The following NNT variants were observed in gnomAD, a reference collection of about 807,000 sequenced individuals.
NNT encodes NAD(P) transhydrogenase, mitochondrial.
NNT carries 50 observed loss-of-function variants against 104.8 expected under a neutral mutation model. The ratio of observed to expected loss-of-function variants is 0.48; its 90% confidence interval spans 0.38 to 0.60. The LOEUF is 0.60. NNT is among the 20% of genes least tolerant of loss of function. NNT has a pLI of 0.00. For synonymous variants in NNT, 461 were observed against 490.4 expected (o/e 0.94, Z 0.79); for missense variants, 1,131 against 1,330.7 (o/e 0.85, Z 2.33).
intron 7 of NNT, among the ~76,000 whole-genome samples, chr5:43,633,451 T>C (rs1430025406): frequency 6.6e-6 from 1 of 152,222 alleles, no homozygotes; most frequent in Admixed American, 6.5e-5. Flanking sequence ...ATCCTTGCCC[T>C]TCCCTGCTTT....
chr5:43,690,602 G>T (rs971431398), intron 19 of NNT, among the ~76,000 whole-genome samples: 1 of 152,200 alleles, frequency 6.6e-6, no homozygotes, highest in Non-Finnish European at 1.5e-5. Context: ...GCAACATCAT[G>T]TAGTTATTCT....
At chr5:43,628,509 T>C (rs1276388373) in intron 7 of NNT, 122 bp downstream of exon 7, 6 of 648,840 alleles carry the variant, frequency 9.2e-6, no homozygotes, top group South Asian at 3.4e-5. Context: ...TACTTTCTAT[T>C]ATAAAAGTAC....
intron 18 of NNT, among the ~76,000 whole-genome samples, chr5:43,676,100 A>T (rs1184018562): frequency 6.6e-6 from 1 of 152,252 alleles, no homozygotes; most frequent in Non-Finnish European, 1.5e-5. Flanking sequence ...TGTGGTTTTC[A>T]ACAAAATGAG....
Position 43,647,560 on chromosome 5 carries a change from T to A in NNT, c.1445-1587T>A, listed in dbSNP as rs113349354. On this transcript the variant is annotated intron_variant, in intron 10 of 21. Transcript: ENST00000344920. Reference sequence around the variant, plus strand: ...TTTTCTTTTATATGTATCAGGAATGTATTTGAACAGCATTCTTCAAAGAAT... The same window carrying A: ...TTTTCTTTTATATGTATCAGGAATGAATTTGAACAGCATTCTTCAAAGAAT... Among the ~76,000 whole-genome samples the A allele has an allele frequency of 1.3e-3, 196 of 152,314 alleles. 1 individual carries two copies. The highest frequency in any genetic ancestry group is 4.4e-3 in the African/African-American group (182 of 41,572).
intron 5 of NNT, among the ~76,000 whole-genome samples, chr5:43,620,243 G>A (rs191210889): frequency 1.6e-4 from 24 of 151,026 alleles, no homozygotes; most frequent in Non-Finnish European, 3.4e-4. Flanking sequence ...TTTTTGAGAC[G>A]GAGTCTCACT....
At chr5:43,661,873 G>A (rs1047314014) in intron 17 of NNT, among the ~76,000 whole-genome samples, 10 of 152,170 alleles carry the variant, frequency 6.6e-5, no homozygotes, top group East Asian at 5.8e-4. Flanking sequence ...ATAAACATAT[G>A]TGTGCATGTG....
chr5:43,700,514 A>G (rs1272128508), intron 20 of NNT, among the ~76,000 whole-genome samples: 1 of 152,106 alleles, frequency 6.6e-6, no homozygotes, highest in Non-Finnish European at 1.5e-5. Context: ...AAGACTGGGG[A>G]TCTGGGCAGA....
intron 19 of NNT, among the ~76,000 whole-genome samples, chr5:43,694,019 T>G (rs927748435): frequency 1.2e-4 from 18 of 152,212 alleles, no homozygotes; most frequent in African/African-American, 4.3e-4. Context: ...GACATAAAGC[T>G]TATAAAACCC....
chr5:43,644,325 G>A lies in NNT; in HGVS notation c.1098G>A (p.Lys366=). Residue 366 remains lysine (K), a splice_region_variant and synonymous_variant, in exon 8 of 22, where the codon AAG becomes AAA. Coordinates refer to ENST00000344920, the MANE Select transcript of NNT (RefSeq NM_182977.3). ...TTKPGELYIH[K]GITHIGYTDL... is the part of the protein sequence containing the mutation. ...AGCCAGGAGAACTCTACATTCATAA[G>A]GTATAGCAAGATGCGTTTTCTATCT... 1.2e-6 allele frequency: 2 copies of A among 1,611,360 alleles called. No homozygotes were observed. Among genetic ancestry groups the A allele is most frequent in the Non-Finnish European group, 1.7e-6 (2 of 1,179,528 alleles).
chr5:43,604,864 G>T (rs1452636955), intron 1 of NNT, among the ~76,000 whole-genome samples: 3 of 151,916 alleles, frequency 2.0e-5, no homozygotes, highest in African/African-American at 7.3e-5. Context: ...TAGCAATGGG[G>T]GTCTCACTGT....
intron 17 of NNT, among the ~76,000 whole-genome samples, chr5:43,672,404 A>T (rs1741159890): frequency 6.6e-6 from 1 of 152,058 alleles, no homozygotes. Flanking sequence ...TATTTTCCCC[A>T]TCTTTGTGGT....
chr5:43,604,952 G>A (rs1057013672), intron 1 of NNT, among the ~76,000 whole-genome samples: 3 of 152,048 alleles, frequency 2.0e-5, no homozygotes, highest in Admixed American at 2.0e-4. Flanking sequence ...CATTATAGGC[G>A]TGAGCCACCA....
intron 7 of NNT, among the ~76,000 whole-genome samples, chr5:43,633,665 C>T (rs1458921773): frequency 1.3e-5 from 2 of 152,170 alleles, no homozygotes; most frequent in African/African-American, 2.4e-5. Context: ...CAGCGCTTGG[C>T]ATAGTGGTTT....
In NNT at chr5:43,651,869, T is replaced by G; in HGVS notation, c.1848T>G (p.Gly616=). 1 of 1,614,126 alleles carries G rather than the reference T, an allele frequency of 6.2e-7. No individual in the cohort carries two copies. The highest frequency in any genetic ancestry group is 1.1e-5 in the South Asian group (1 of 91,064). The part of the protein sequence containing the change: ...VGGYLAALYS[G]YNIEQIMYLG... ...GATATTTAGCTGCCCTCTACAGTGG[T>G]TATAACATTGAACAGGTAAGATGCT... Residue 616 remains glycine, a synonymous_variant, in exon 13 of 22, where the codon GGT becomes GGG. Transcript: ENST00000344920.
intron 1 of NNT, among the ~76,000 whole-genome samples, chr5:43,608,388 C>A: frequency 6.6e-6 from 1 of 152,166 alleles, no homozygotes; most frequent in Non-Finnish European, 1.5e-5. Context: ...TGACACTTCA[C>A]GCAGCCTGGT....
intron 18 of NNT, 107 bp downstream of exon 18, chr5:43,675,777 A>C (rs957228767): frequency 5.2e-5 from 42 of 804,668 alleles, no homozygotes; most frequent in Admixed American, 1.5e-4. Flanking sequence ...TAGTTTTGAA[A>C]ATATAATGGA....
chr5:43,635,393 A>C (rs1053043979), intron 7 of NNT, among the ~76,000 whole-genome samples: 1 of 152,130 alleles, frequency 6.6e-6, no homozygotes, highest in South Asian at 2.1e-4. Flanking sequence ...AGGAGTGTGC[A>C]TGGAAGGCCA....
At chr5:43,666,701 G>T (rs1326353204) in intron 17 of NNT, 4 of 924,396 alleles carry the variant, frequency 4.3e-6, no homozygotes, top group Non-Finnish European at 6.5e-6. Context: ...CCATGCAGAT[G>T]GTAGCCCAGG....
At chr5:43,679,208 T>G (rs71629187) in intron 19 of NNT, among the ~76,000 whole-genome samples, 5,145 of 152,276 alleles carry the variant, frequency 0.034, 135 homozygotes, top group East Asian at 0.12. Flanking sequence ...CAAGTGAAAA[T>G]GATATGTTAA....
Sources: gnomAD v4.1 joint callset for allele counts (sites outside exome capture counted in the v4.1 genomes callset) on GRCh38, gnomAD v4.1.1 for gene constraint, MANE v1.5 for transcripts, NCBI Gene and HGNC (gene_info 2026-07-23, HGNC 2026-07-21) for gene names.